Variants in PIK3C2A observed in about 807,000 individuals in gnomAD.
PIK3C2A encodes phosphatidylinositol-4-phosphate 3-kinase catalytic subunit type 2 alpha, also known as phosphatidylinositol 4-phosphate 3-kinase C2 domain-containing subunit alpha.
In PIK3C2A, 97 loss-of-function variants were observed where a neutral mutation model predicts 204.5. The observed-to-expected ratio is 0.47, with a 90% CI of 0.40 to 0.56. The LOEUF (loss-of-function observed/expected upper bound fraction) is 0.56. Ranked by LOEUF, PIK3C2A falls within the 20% of genes least tolerant of loss-of-function variation. The pLI, the probability that PIK3C2A is intolerant of heterozygous loss-of-function variation, is 0.00. For synonymous variants in PIK3C2A, 653 were observed against 664.4 expected (o/e 0.98, Z 0.26); for missense variants, 1,735 against 1,969.2 (o/e 0.88, Z 2.25).
chr11:17,138,932 A>T (rs557384796), intron 8 of PIK3C2A, among the ~76,000 whole-genome samples: 1 of 152,144 alleles, frequency 6.6e-6, no homozygotes, highest in African/African-American at 2.4e-5. Flanking sequence ...TTTGAGACGA[A>T]ATCTCGCTTT....
intron 1 of PIK3C2A, among the ~76,000 whole-genome samples, chr11:17,199,700 TG>T (rs1385151197): frequency 6.6e-6 from 1 of 152,114 alleles, no homozygotes. Context: ...CCCAACACTT[TG>T]GGAGGCCAAG....
chr11:17,205,988 TG>T (rs1489062517), intron 1 of PIK3C2A, among the ~76,000 whole-genome samples: 1 of 152,084 alleles, frequency 6.6e-6, no homozygotes, highest in Non-Finnish European at 1.5e-5. Context: ...CCATGTGTGG[TG>T]GCGCGTGCCT....
Position 17,134,804 on chromosome 11 carries a change from T to C in PIK3C2A, c.2108+15A>G. On this transcript the variant is annotated intron_variant, in intron 11 of 32. Coordinates refer to ENST00000691414, the MANE Select transcript of PIK3C2A (RefSeq NM_002645.4). ...GTGCAAGCCACCATGCCTGGCTGCTTAAACAGTTACTTACTTTGATACCCA... is the reference window on the plus strand; with the variant it reads ...GTGCAAGCCACCATGCCTGGCTGCTCAAACAGTTACTTACTTTGATACCCA... 1.3e-6 allele frequency: 2 copies of C among 1,593,434 alleles called. No homozygotes were observed. Among genetic ancestry groups the C allele is most frequent in the African/African-American group, 2.7e-5 (2 of 74,646 alleles).
intron 23 of PIK3C2A, among the ~76,000 whole-genome samples, chr11:17,103,232 C>T (rs1848699669): frequency 6.6e-6 from 1 of 151,708 alleles, no homozygotes. Flanking sequence ...CCTCTGCCTG[C>T]AGGGAAGACA....
At chr11:17,138,609 T>C (rs891185258) in intron 8 of PIK3C2A, among the ~76,000 whole-genome samples, 2 of 152,200 alleles carry the variant, frequency 1.3e-5, no homozygotes, top group Non-Finnish European at 2.9e-5. Flanking sequence ...GCACCTCCTA[T>C]CGCTGGACCC....
intron 3 of PIK3C2A, among the ~76,000 whole-genome samples, chr11:17,154,375 A>T (rs1199897076): frequency 1.3e-5 from 2 of 152,216 alleles, no homozygotes; most frequent in Non-Finnish European, 1.5e-5. Flanking sequence ...AGGAAGACAG[A>T]GTTTTAATAA....
At chr11:17,107,157 C>T (rs1274624260) in intron 22 of PIK3C2A, among the ~76,000 whole-genome samples, 6 of 151,904 alleles carry the variant, frequency 3.9e-5, no homozygotes, top group African/African-American at 1.5e-4. Flanking sequence ...ACTAAAAGTA[C>T]AAAAAATTAG....
At chr11:17,184,387 T>A (rs1241463101) in intron 1 of PIK3C2A, among the ~76,000 whole-genome samples, 2 of 152,130 alleles carry the variant, frequency 1.3e-5, no homozygotes, top group African/African-American at 4.8e-5. Context: ...CTGTATTGAT[T>A]ATCCTGACCT....
rs888408196 is a variant in PIK3C2A at position 17,167,725 on chromosome 11, A to T, written c.1065+952T>A. 3.3e-5 allele frequency among the ~76,000 whole-genome samples: 5 copies of T among 152,242 alleles called. 1 individual carries two copies. Among genetic ancestry groups the T allele is most frequent in the African/African-American group, 1.2e-4 (5 of 41,460 alleles). ...CCCATCTAAATGCTAGTTAACTCCC[A>T]ATGATAAAATAGTAGGTAAGTGCTG... On this transcript the variant is annotated intron_variant, in intron 2 of 32. Coordinates refer to ENST00000691414, the MANE Select transcript of PIK3C2A (RefSeq NM_002645.4).
intron 1 of PIK3C2A, among the ~76,000 whole-genome samples, chr11:17,203,857 G>A (rs1004730838): frequency 6.6e-6 from 1 of 152,180 alleles, no homozygotes; most frequent in Non-Finnish European, 1.5e-5. Context: ...CAGATCACAA[G>A]GTCAGGAGAT....
chr11:17,161,295 G>A (rs1312300296), intron 2 of PIK3C2A, among the ~76,000 whole-genome samples: 1 of 152,096 alleles, frequency 6.6e-6, no homozygotes, highest in Admixed American at 6.5e-5. Flanking sequence ...TTTTCCCAAA[G>A]AAACTTATAT....
chr11:17,183,497 G>A (rs974398386), intron 1 of PIK3C2A, among the ~76,000 whole-genome samples: 4 of 151,968 alleles, frequency 2.6e-5, no homozygotes, highest in Non-Finnish European at 4.4e-5. Flanking sequence ...CCAACATGGT[G>A]AAACCCCGTC....
Position 17,168,778 on chromosome 11 carries a change from T to C in PIK3C2A, c.964A>G (p.Lys322Glu), listed in dbSNP as rs757966768. Residue 322 changes from lysine (K) to glutamate (E), a missense_variant, in exon 2 of 33, where the codon AAG becomes GAG. Physicochemically the swap from Lys to Glu is moderately conservative, Grantham distance 56 (BLOSUM62 1). Around this residue, in one of 6 missense-constraint regions of PIK3C2A, gnomAD observed 536 missense variants for 546.7 expected, o/e 0.98. Transcript: ENST00000691414. ...RSTANCHLERKVNGKSLSVAT... is the reference protein window; with the variant it reads ...RSTANCHLEREVNGKSLSVAT... ...ACAGAAAGGGATTTTCCATTCACCTTTCTTTCAAGATGACAATTTGCTGTC... is the reference window on the plus strand; with the variant it reads ...ACAGAAAGGGATTTTCCATTCACCTCTCTTTCAAGATGACAATTTGCTGTC... The C allele has an allele frequency of 4.4e-5, 71 of 1,614,094 alleles. 6 individuals are homozygous for C. In the South Asian group the frequency reaches 7.7e-4, roughly 17 times the overall value.
chr11:17,133,490 TTA>T (rs1281333784), intron 11 of PIK3C2A, among the ~76,000 whole-genome samples: 1 of 152,230 alleles, frequency 6.6e-6, no homozygotes, highest in African/African-American at 2.4e-5. Flanking sequence ...CACTAAATTA[TTA>T]TATTTTAATC....
chr11:17,187,796 C>T (rs1234931410), intron 1 of PIK3C2A, among the ~76,000 whole-genome samples: 1 of 151,724 alleles, frequency 6.6e-6, no homozygotes, highest in East Asian at 1.9e-4. Context: ...GATATATACT[C>T]GCTCACAAAC....
At chr11:17,111,260 GTT>G (rs1848992640) in intron 21 of PIK3C2A, among the ~76,000 whole-genome samples, 1 of 152,130 alleles carries the variant, frequency 6.6e-6, no homozygotes, top group South Asian at 2.1e-4. Context: ...ATGATGAAAT[GTT>G]CTACATTTTG....
chr11:17,116,751 G>A (rs1273915912), intron 19 of PIK3C2A, among the ~76,000 whole-genome samples: 1 of 151,972 alleles, frequency 6.6e-6, no homozygotes, highest in Non-Finnish European at 1.5e-5. Context: ...CACCATGCCT[G>A]GCTAATTTTT....
At chr11:17,130,579 C>A (rs1842460992) in intron 12 of PIK3C2A, among the ~76,000 whole-genome samples, 1 of 151,706 alleles carries the variant, frequency 6.6e-6, no homozygotes, top group African/African-American at 2.4e-5. Flanking sequence ...CCAAGGTGGG[C>A]GGATCACCTG....
intron 32 of PIK3C2A, among the ~76,000 whole-genome samples, chr11:17,090,838 C>T (rs1310524738): frequency 6.6e-6 from 1 of 151,680 alleles, no homozygotes; most frequent in Non-Finnish European, 1.5e-5. Context: ...CTCCTGGGCT[C>T]AAGCAATCCT....
Sources: allele counts gnomAD v4.1 joint callset (sites outside exome capture counted in the v4.1 genomes callset), GRCh38; gene constraint gnomAD v4.1.1; regional missense constraint gnomAD v4.1.1; transcripts MANE v1.5; gene names NCBI Gene and HGNC (gene_info 2026-07-23, HGNC 2026-07-21).